Variants in NPY1R observed in about 807,000 individuals in gnomAD.
The protein encoded by NPY1R is neuropeptide Y receptor Y1.
Under a neutral mutation model 24.1 loss-of-function variants are expected in NPY1R, and 10 were observed. The observed-to-expected ratio is 0.42, with a 90% CI of 0.26 to 0.71. The LOEUF (loss-of-function observed/expected upper bound fraction) is 0.71, where lower values mean the gene tolerates loss of function less well. NPY1R is among the 30% of genes least tolerant of loss of function. NPY1R has a pLI of 0.28. For missense variants in NPY1R, 350 were observed against 458.0 expected (o/e 0.76, Z 2.15); for synonymous variants, 168 against 165.9 (o/e 1.01, Z -0.10).
At position 163,325,978 on chromosome 4, in the gene NPY1R, T is replaced by C. The variant is rs1734595974; in HGVS notation, c.577A>G (p.Lys193Glu). The stretch of plus-strand genomic sequence containing the variant: ...TGATCAAAGCACACGTATTTGTCTT[T>C]GTACGCATCAAGTGTTACATTTTGG... ...PFQNVTLDAY[K>E]DKYVCFDQFP... The change falls in exon 2 of 3, where the codon AAA (lysine) becomes GAA (glutamate). Residue 193 changes from lysine to glutamate, a missense_variant. Lys to Glu is a moderately conservative substitution (Grantham distance 56). Coordinates refer to ENST00000296533, the MANE Select transcript of NPY1R (RefSeq NM_000909.6). 1 of 1,614,018 alleles carries C rather than the reference T, an allele frequency of 6.2e-7. No individual in the cohort carries two copies. The highest frequency in any genetic ancestry group is 1.3e-5 in the African/African-American group (1 of 74,938).
At chr4:163,343,126 A>G (rs1417728072) in intron 1 of NPY1R, among the ~76,000 whole-genome samples, 1 of 152,050 alleles carries the variant, frequency 6.6e-6, no homozygotes, top group African/African-American at 2.4e-5. Flanking sequence ...TTGGGAAGGA[A>G]CAGAAGGACA....
At chr4:163,335,244 T>C (rs1156318191), upstream of NPY1R, among the ~76,000 whole-genome samples, 2 of 152,194 alleles carry the variant, frequency 1.3e-5, no homozygotes, top group African/African-American at 4.8e-5. Context: ...CAGCCTGACC[T>C]ATAAACCAAG....
intron 1 of NPY1R, among the ~76,000 whole-genome samples, chr4:163,343,786 G>A (rs1040242113): frequency 2.0e-5 from 3 of 152,158 alleles, no homozygotes; most frequent in Non-Finnish European, 4.4e-5. Flanking sequence ...GGCTTTGGAA[G>A]AGGCTGGCGC....
upstream of NPY1R, among the ~76,000 whole-genome samples, chr4:163,337,795 A>G (rs914087042): frequency 6.6e-6 from 1 of 152,222 alleles, no homozygotes; most frequent in Admixed American, 6.5e-5. Flanking sequence ...TCTTTCTCAT[A>G]GTAACTCCCT....
chr4:163,337,459 T>C (rs1734868230), upstream of NPY1R, among the ~76,000 whole-genome samples: 1 of 152,060 alleles, frequency 6.6e-6, no homozygotes, highest in Admixed American at 6.6e-5. Context: ...CGCCATAGGG[T>C]ATTTACCCCC....
chr4:163,326,113 AC>A lies in NPY1R; in HGVS notation c.441del (p.Trp148GlyfsTer10), dbSNP rs1184959505. 5 of 1,613,986 alleles carry A rather than the reference AC, an allele frequency of 3.1e-6. No homozygotes were observed. The highest frequency in any genetic ancestry group is 4.2e-6 in the Non-Finnish European group (5 of 1,179,986). On this transcript the variant is annotated frameshift_variant, in exon 2 of 3. Transcript: ENST00000296533. LOFTEE classifies it high-confidence loss of function. ...ERHQLIINPR[G>X]WRPNNRHAYV... ...TAAGCATGTCTATTATTTGGTCTCCACCCTCGAGGGTTGATTATCAGCTGAT... is the reference window on the plus strand; with the variant it reads ...TAAGCATGTCTATTATTTGGTCTCCACCTCGAGGGTTGATTATCAGCTGAT...
At chr4:163,332,226 C>T (rs1166501633) in intron 1 of NPY1R, among the ~76,000 whole-genome samples, 3 of 152,172 alleles carry the variant, frequency 2.0e-5, no homozygotes, top group African/African-American at 7.2e-5. Context: ...TCCCCGGGAG[C>T]AGGTGGTGGG....
upstream of NPY1R, among the ~76,000 whole-genome samples, chr4:163,337,075 AG>A (rs539561435): frequency 1.0e-3 from 155 of 152,220 alleles, 1 homozygote; most frequent in Non-Finnish European, 1.7e-3. Context: ...CATTTTGCTA[AG>A]GTAAGTATCC....
chr4:163,337,796 G>T (rs1734878831), upstream of NPY1R, among the ~76,000 whole-genome samples: 2 of 152,154 alleles, frequency 1.3e-5, no homozygotes, highest in Non-Finnish European at 2.9e-5. Context: ...CTTTCTCATA[G>T]TAACTCCCTT....
intron 1 of NPY1R, among the ~76,000 whole-genome samples, chr4:163,331,688 G>T (rs1734731764): frequency 1.3e-5 from 2 of 152,064 alleles, no homozygotes. Context: ...GGGAACCAAT[G>T]GCACACCCTA....
rs113434660 is a variant in NPY1R at position 163,340,071 on chromosome 4, C to A, written c.-152+4234G>T. On this transcript the variant is annotated intron_variant, in intron 1 of 1. Coordinates refer to the NPY1R transcript ENST00000511901. The stretch of plus-strand genomic sequence containing the variant: ...AACCAATATACCAAATATAAACAAA[C>A]CGTTTCCCTTTCATTTCCACTTAAA... 6.7e-3 allele frequency among the ~76,000 whole-genome samples: 1,017 copies of A among 152,158 alleles called. 13 individuals carry two copies. The highest frequency in any genetic ancestry group is 0.022 in the African/African-American group (934 of 41,526).
chr4:163,342,449 C>A (rs376630263), intron 1 of NPY1R, among the ~76,000 whole-genome samples: 1 of 152,184 alleles, frequency 6.6e-6, no homozygotes, highest in East Asian at 1.9e-4. Context: ...GCCTTATTTT[C>A]TCAAGGTCAT....
At chr4:163,331,336 G>T (rs1734723277) in intron 1 of NPY1R, among the ~76,000 whole-genome samples, 1 of 151,948 alleles carries the variant, frequency 6.6e-6, no homozygotes, top group Non-Finnish European at 1.5e-5. Flanking sequence ...CTCTCCCCTA[G>T]GTTTTTCCTG....
At chr4:163,338,641 G>A (rs1012897604) in intron 1 of NPY1R, among the ~76,000 whole-genome samples, 1 of 152,156 alleles carries the variant, frequency 6.6e-6, no homozygotes, top group Non-Finnish European at 1.5e-5. Flanking sequence ...TAGTGGTCTT[G>A]TTTCTTCCTT....
chr4:163,325,916 A>G lies in NPY1R; in HGVS notation c.639T>C (p.Thr213=). The G allele has an allele frequency of 6.2e-7, 1 of 1,614,120 alleles. No individual in the cohort carries two copies. The highest frequency in any genetic ancestry group is 8.5e-7 in the Non-Finnish European group (1 of 1,179,964). ...PSDSHRLSYT[T]LLLVLQYFGP... ...CAAAATACTGCAGCACCAAGAGGAG[A>G]GTGGTATAAGACAACCTATGAGAGT... is the stretch of plus-strand genomic sequence containing the variant. Residue 213 remains threonine, a synonymous_variant, in exon 2 of 3, where the codon ACT becomes ACC. Coordinates refer to ENST00000296533, the MANE Select transcript of NPY1R (RefSeq NM_000909.6).
At chr4:163,327,766 C>T (rs1734640558) in intron 1 of NPY1R, among the ~76,000 whole-genome samples, 1 of 152,104 alleles carries the variant, frequency 6.6e-6, no homozygotes, top group African/African-American at 2.4e-5. Flanking sequence ...TTATTAACAA[C>T]ACAAATCACA....
At chr4:163,337,502 C>T (rs1183003459), upstream of NPY1R, among the ~76,000 whole-genome samples, 2 of 152,134 alleles carry the variant, frequency 1.3e-5, no homozygotes, top group Non-Finnish European at 2.9e-5. Context: ...GGCAATAGTT[C>T]TCCAACCCAG....
At chr4:163,340,730 T>C (rs1405553821) in intron 1 of NPY1R, among the ~76,000 whole-genome samples, 2 of 152,050 alleles carry the variant, frequency 1.3e-5, no homozygotes, top group Non-Finnish European at 2.9e-5. Context: ...TAATTTGAGA[T>C]CAAGCCTGGC....
chr4:163,344,582 G>A (rs1332970398), exon 1 of NPY1R: 2 of 152,240 alleles, frequency 1.3e-5, no homozygotes, highest in African/African-American at 4.8e-5. Flanking sequence ...CCCGAGCCCG[G>A]GAGGCAGCTG....
Sources: gnomAD v4.1 joint callset for allele counts (sites outside exome capture counted in the v4.1 genomes callset) on GRCh38, gnomAD v4.1.1 for gene constraint, MANE v1.5 for transcripts, NCBI Gene and HGNC (gene_info 2026-07-23, HGNC 2026-07-21) for gene names.